DNAJC1: variants seen among roughly 807,000 people sequenced by gnomAD.
DNAJC1 encodes the protein dnaJ homolog subfamily C member 1.
DNAJC1 carries 58 observed loss-of-function variants against 76.6 expected under a neutral mutation model. The observed-to-expected ratio is 0.76, with a 90% confidence interval of 0.61 to 0.94. DNAJC1 has a LOEUF of 0.94. Among genes scored for constraint, DNAJC1 ranks in the 40% least tolerant of loss-of-function variants. The pLI is 0.00. For synonymous variants in DNAJC1, 258 were observed against 267.9 expected (o/e 0.96, Z 0.36); for missense variants, 689 against 677.3 (o/e 1.02, Z -0.19).
intron 7 of DNAJC1, among the ~76,000 whole-genome samples, chr10:21,885,283 G>A (rs1836352894): frequency 6.6e-6 from 1 of 152,056 alleles, no homozygotes; most frequent in East Asian, 1.9e-4. Flanking sequence ...AATTCAACAA[G>A]ACTTAACTAT....
chr10:21,955,883 T>C (rs1464741996), intron 1 of DNAJC1, among the ~76,000 whole-genome samples: 1 of 152,230 alleles, frequency 6.6e-6, no homozygotes, highest in East Asian at 1.9e-4. Context: ...CCATCTGTTT[T>C]GCATTGTTGT....
intron 3 of DNAJC1, among the ~76,000 whole-genome samples, chr10:21,927,196 C>G (rs1023794978): frequency 1.3e-5 from 2 of 152,134 alleles, no homozygotes; most frequent in Non-Finnish European, 2.9e-5. Flanking sequence ...GTATCTGGAC[C>G]AATGCCAGCC....
intron 6 of DNAJC1, among the ~76,000 whole-genome samples, chr10:21,904,864 T>C: frequency 6.6e-6 from 1 of 152,198 alleles, no homozygotes; most frequent in East Asian, 1.9e-4. Flanking sequence ...GGAGGTATCC[T>C]CTTCCTGTTT....
At chr10:21,835,743 G>C (rs551308994) in intron 8 of DNAJC1, among the ~76,000 whole-genome samples, 1 of 152,282 alleles carries the variant, frequency 6.6e-6, no homozygotes, top group East Asian at 1.9e-4. Context: ...AAGACGAACT[G>C]AATGAAATGA....
chr10:21,883,578 T>C (rs895229695), intron 7 of DNAJC1, among the ~76,000 whole-genome samples: 2 of 152,168 alleles, frequency 1.3e-5, no homozygotes, highest in African/African-American at 4.8e-5. Context: ...AATTAGAAAA[T>C]GCATTTAATA....
chr10:21,847,995 C>A (rs772010204), intron 8 of DNAJC1, among the ~76,000 whole-genome samples: 2 of 152,108 alleles, frequency 1.3e-5, no homozygotes, highest in East Asian at 1.9e-4. Flanking sequence ...ATTGCTAAAT[C>A]GGATGGTAGA....
At chr10:21,906,619 T>C (rs759438490) in intron 6 of DNAJC1, among the ~76,000 whole-genome samples, 5 of 152,106 alleles carry the variant, frequency 3.3e-5, no homozygotes, top group African/African-American at 4.8e-5. Flanking sequence ...CATCACAGTA[T>C]AGCACAGTGA....
chr10:21,894,685 T>C (rs1391684658), intron 7 of DNAJC1, among the ~76,000 whole-genome samples: 1 of 152,230 alleles, frequency 6.6e-6, no homozygotes, highest in Non-Finnish European at 1.5e-5. Flanking sequence ...AAGCTAATGC[T>C]ATGAACGTTT....
intron 8 of DNAJC1, among the ~76,000 whole-genome samples, chr10:21,833,002 C>T (rs938574729): frequency 6.6e-6 from 1 of 152,174 alleles, no homozygotes; most frequent in Non-Finnish European, 1.5e-5. Flanking sequence ...ATGTTTTCCC[C>T]ACCCCACTTC....
chr10:21,970,932 T>TA (rs1226725320), intron 1 of DNAJC1, among the ~76,000 whole-genome samples: 1 of 151,988 alleles, frequency 6.6e-6, no homozygotes, highest in Admixed American at 6.6e-5. Context: ...AGTTGACAGT[T>TA]AAATACTGCA....
At chr10:21,908,943 T>C (rs1281281367) in intron 6 of DNAJC1, among the ~76,000 whole-genome samples, 1 of 151,996 alleles carries the variant, frequency 6.6e-6, no homozygotes, top group Non-Finnish European at 1.5e-5. Flanking sequence ...TGGAGTGCAG[T>C]GACATGATCT....
At chr10:21,786,324 A>G (rs1471564034) in intron 9 of DNAJC1, among the ~76,000 whole-genome samples, 1 of 151,646 alleles carries the variant, frequency 6.6e-6, no homozygotes, top group Non-Finnish European at 1.5e-5. Flanking sequence ...ATGTAAATTC[A>G]GGTATTTAAT....
At chr10:21,839,852 G>A (rs1463293564) in intron 8 of DNAJC1, among the ~76,000 whole-genome samples, 1 of 152,188 alleles carries the variant, frequency 6.6e-6, no homozygotes, top group African/African-American at 2.4e-5. Context: ...AAAATCCTCA[G>A]TAACATACTG....
intron 7 of DNAJC1, among the ~76,000 whole-genome samples, chr10:21,883,242 TCTATCTCAA>T (rs1836310836): frequency 1.1e-5 from 1 of 92,396 alleles, no homozygotes; most frequent in African/African-American, 3.7e-5. Flanking sequence ...AGAGTGAGAT[TCTATCTCAA>T]ACACACACAC....
chr10:21,935,527 C>T (rs1837297862), intron 1 of DNAJC1, among the ~76,000 whole-genome samples: 1 of 151,768 alleles, frequency 6.6e-6, no homozygotes, highest in African/African-American at 2.4e-5. Context: ...AATGGATCTC[C>T]AAAAGGGAGA....
At chr10:21,787,517 A>C (rs555054704) in intron 9 of DNAJC1, among the ~76,000 whole-genome samples, 19 of 152,334 alleles carry the variant, frequency 1.2e-4, no homozygotes, top group African/African-American at 4.6e-4. Context: ...AAGACAGCCA[A>C]AAACAATGAA....
chr10:21,819,603 T>C (rs1208277728), intron 8 of DNAJC1, among the ~76,000 whole-genome samples: 1 of 152,138 alleles, frequency 6.6e-6, no homozygotes, highest in Non-Finnish European at 1.5e-5. Context: ...GCATTTGATA[T>C]TGATTTTTAA....
chr10:21,774,477 CAT>C (rs1478567889), intron 9 of DNAJC1, among the ~76,000 whole-genome samples: 6 of 152,170 alleles, frequency 3.9e-5, no homozygotes, highest in Admixed American at 3.9e-4. Context: ...GAAAAACTAA[CAT>C]ATTAAACGTA....
intron 9 of DNAJC1, among the ~76,000 whole-genome samples, chr10:21,775,344 T>C (rs1834440885): frequency 6.6e-6 from 1 of 150,496 alleles, no homozygotes; most frequent in African/African-American, 2.4e-5. Flanking sequence ...TTTTTTTTTT[T>C]TTTTTTTTTT....
Sources: gnomAD v4.1 joint callset for allele counts (sites outside exome capture counted in the v4.1 genomes callset) on GRCh38, gnomAD v4.1.1 for gene constraint, MANE v1.5 for transcripts, NCBI Gene and HGNC (gene_info 2026-07-23, HGNC 2026-07-21) for gene names.